ASIC2: variants seen among roughly 807,000 people sequenced by gnomAD.
ASIC2 encodes the protein acid sensing ion channel subunit 2.
ASIC2 carries 25 observed loss-of-function variants against 57.3 expected under a neutral mutation model. That is an observed-to-expected ratio of 0.44 (90% CI 0.32 to 0.61). The LOEUF is 0.61. Among genes scored for constraint, ASIC2 ranks in the 20% least tolerant of loss-of-function variants. The probability of loss-of-function intolerance (pLI) is 0.06; values close to 1 mark genes in which losing one functional copy is unlikely to be tolerated. For synonymous variants in ASIC2, 319 were observed against 307.5 expected (o/e 1.04, Z -0.39); for missense variants, 641 against 738.1 (o/e 0.87, Z 1.52).
chr17:33,748,140 T>G (rs1910322383), intron 1 of ASIC2, among the ~76,000 whole-genome samples: 1 of 152,228 alleles, frequency 6.6e-6, no homozygotes, highest in South Asian at 2.1e-4. Flanking sequence ...CCCACCCTTC[T>G]GCCGGCCACA....
chr17:33,119,350 A>G (rs1258674473), intron 1 of ASIC2, among the ~76,000 whole-genome samples: 2 of 152,186 alleles, frequency 1.3e-5, no homozygotes, highest in Non-Finnish European at 2.9e-5. Context: ...ATTTCTCATT[A>G]GACTGTTTTC....
At chr17:33,902,333 G>T (rs368866947) in intron 1 of ASIC2, among the ~76,000 whole-genome samples, 2 of 152,140 alleles carry the variant, frequency 1.3e-5, no homozygotes, top group African/African-American at 4.8e-5. Flanking sequence ...AACCAACAGA[G>T]CACCTAGAAG....
At chr17:33,437,744 C>A (rs1015150154) in intron 1 of ASIC2, among the ~76,000 whole-genome samples, 1 of 151,804 alleles carries the variant, frequency 6.6e-6, no homozygotes, top group Non-Finnish European at 1.5e-5. Flanking sequence ...TGCAGTGAGC[C>A]GAGATCACAC....
At chr17:33,205,527 T>C (rs1018008722) in intron 1 of ASIC2, among the ~76,000 whole-genome samples, 1 of 152,250 alleles carries the variant, frequency 6.6e-6, no homozygotes, top group Admixed American at 6.5e-5. Context: ...CATATCATAA[T>C]TTAGCATTTG....
At chr17:33,341,913 C>A (rs1348928128) in intron 1 of ASIC2, among the ~76,000 whole-genome samples, 1 of 152,166 alleles carries the variant, frequency 6.6e-6, no homozygotes, top group Non-Finnish European at 1.5e-5. Context: ...ACACTCAGAC[C>A]TACCTTAGAC....
At chr17:33,453,598 A>G (rs1912345258) in intron 1 of ASIC2, among the ~76,000 whole-genome samples, 1 of 152,186 alleles carries the variant, frequency 6.6e-6, no homozygotes, top group Non-Finnish European at 1.5e-5. Context: ...ACAATCATAG[A>G]TTATGTATGG....
intron 2 of ASIC2, among the ~76,000 whole-genome samples, chr17:33,110,092 A>C (rs1003137480): frequency 3.9e-5 from 6 of 151,968 alleles, no homozygotes; most frequent in Non-Finnish European, 8.8e-5. Flanking sequence ...TTTGCTCCTG[A>C]ATCAAGATAA....
chr17:34,064,259 A>T (rs563367197), intron 1 of ASIC2, among the ~76,000 whole-genome samples: 2 of 152,312 alleles, frequency 1.3e-5, no homozygotes, highest in South Asian at 2.1e-4. Flanking sequence ...CAAAGCAAAC[A>T]AAAATATAAA....
chr17:33,049,515 A>T lies in ASIC2; in HGVS notation c.988-21123T>A, dbSNP rs569171329. Among the ~76,000 whole-genome samples, 3 of 152,340 alleles carry T rather than the reference A, an allele frequency of 2.0e-5. No individual in the cohort carries two copies. In the South Asian group the frequency reaches 6.2e-4, roughly 32 times the overall value. On this transcript the variant is annotated intron_variant, in intron 3 of 9. Transcript: ENST00000225823. ...TTCTTTCCTACTGTCACATGAAATA[A>T]TATTGACCCTTACAGTTGGAGTTGT...
At chr17:33,881,990 A>C (rs889432520) in intron 1 of ASIC2, among the ~76,000 whole-genome samples, 3 of 152,226 alleles carry the variant, frequency 2.0e-5, no homozygotes, top group African/African-American at 7.2e-5. Flanking sequence ...GACAAACCTG[A>C]CAAAAACAAG....
intron 1 of ASIC2, among the ~76,000 whole-genome samples, chr17:33,817,339 C>T (rs1239483989): frequency 2.0e-5 from 3 of 152,064 alleles, no homozygotes; most frequent in African/African-American, 7.2e-5. Context: ...TTGGGGGATC[C>T]CCCTACTGCC....
intron 1 of ASIC2, among the ~76,000 whole-genome samples, chr17:33,625,813 G>A (rs929759475): frequency 1.3e-5 from 2 of 152,228 alleles, no homozygotes; most frequent in African/African-American, 4.8e-5. Context: ...AATCTACACT[G>A]CTTAGCTTGC....
chr17:33,956,411 G>A (rs1346739357), intron 1 of ASIC2, among the ~76,000 whole-genome samples: 2 of 152,128 alleles, frequency 1.3e-5, no homozygotes, highest in Non-Finnish European at 2.9e-5. Context: ...GGTAGCCCTG[G>A]CTGCCCCTTC....
At chr17:33,249,667 A>G (rs922914911) in intron 1 of ASIC2, among the ~76,000 whole-genome samples, 4 of 152,134 alleles carry the variant, frequency 2.6e-5, no homozygotes, top group African/African-American at 9.7e-5. Flanking sequence ...CCTGCCTTCT[A>G]ACTATCCTTC....
intron 1 of ASIC2, among the ~76,000 whole-genome samples, chr17:33,326,292 T>C (rs1597684217): frequency 6.6e-6 from 1 of 152,196 alleles, no homozygotes; most frequent in African/African-American, 2.4e-5. Flanking sequence ...TTGACCAATA[T>C]CAGAGATCTA....
intron 1 of ASIC2, among the ~76,000 whole-genome samples, chr17:33,559,746 A>G (rs927647214): frequency 1.3e-5 from 2 of 152,204 alleles, no homozygotes; most frequent in Non-Finnish European, 2.9e-5. Context: ...TGCTTTGAAG[A>G]TGACATGTAA....
chr17:33,323,842 T>A (rs1906964182), intron 1 of ASIC2, among the ~76,000 whole-genome samples: 1 of 151,992 alleles, frequency 6.6e-6, no homozygotes, highest in Non-Finnish European at 1.5e-5. Flanking sequence ...AGAACGGTAA[T>A]TATAGTTGTA....
At chr17:33,509,998 C>A (rs567584699) in intron 1 of ASIC2, among the ~76,000 whole-genome samples, 121 of 152,316 alleles carry the variant, frequency 7.9e-4, no homozygotes, top group African/African-American at 2.8e-3. Flanking sequence ...TGGAAAAATT[C>A]TGTTCCCTTC....
chr17:33,759,249 C>G (rs1910705908), intron 1 of ASIC2, among the ~76,000 whole-genome samples: 1 of 152,156 alleles, frequency 6.6e-6, no homozygotes, highest in African/African-American at 2.4e-5. Context: ...TGAACTGTGT[C>G]CATGCCAGAG....
Sources: allele counts gnomAD v4.1 joint callset (sites outside exome capture counted in the v4.1 genomes callset), GRCh38; gene constraint gnomAD v4.1.1; transcripts MANE v1.5; gene names NCBI Gene and HGNC (gene_info 2026-07-23, HGNC 2026-07-21).